Variants in SH3RF3 observed in about 807,000 individuals in gnomAD.
SH3RF3 encodes E3 ubiquitin-protein ligase SH3RF3.
SH3RF3 carries 29 observed loss-of-function variants against 66.3 expected under a neutral mutation model. The ratio of observed to expected loss-of-function variants is 0.44; its 90% confidence interval spans 0.33 to 0.60. SH3RF3 has a LOEUF of 0.60. SH3RF3 is among the 20% of genes least tolerant of loss of function. SH3RF3 has a pLI of 0.04. For missense variants in SH3RF3, 1,194 were observed against 1,190.9 expected, an observed-to-expected ratio of 1.00 and a Z score of -0.04; for synonymous variants, 583 against 532.0, an observed-to-expected ratio of 1.10 and a Z score of -1.32.
At chr2:109,337,391 T>A (rs1344745627) in intron 1 of SH3RF3, among the ~76,000 whole-genome samples, 1 of 152,238 alleles carries the variant, frequency 6.6e-6, no homozygotes, top group Non-Finnish European at 1.5e-5. Flanking sequence ...CATCCAAGGC[T>A]AGGTCCTCCT....
chr2:109,236,256 C>A (rs1402237163), intron 1 of SH3RF3, among the ~76,000 whole-genome samples: 1 of 152,142 alleles, frequency 6.6e-6, no homozygotes. Context: ...TATTAATGAC[C>A]AAATTCCCCT....
intron 4 of SH3RF3, among the ~76,000 whole-genome samples, chr2:109,400,493 G>A (rs1200968509): frequency 6.6e-6 from 1 of 151,652 alleles, no homozygotes; most frequent in East Asian, 1.9e-4. Flanking sequence ...GCGTACAGGT[G>A]CATTTACACA....
intron 8 of SH3RF3, among the ~76,000 whole-genome samples, chr2:109,478,507 A>C (rs1010621367): frequency 1.3e-5 from 2 of 152,222 alleles, no homozygotes; most frequent in Non-Finnish European, 2.9e-5. Context: ...TTCCATGAAA[A>C]TGTACTGAGG....
At chr2:109,442,726 A>G (rs1677604901) in intron 7 of SH3RF3, among the ~76,000 whole-genome samples, 2 of 152,226 alleles carry the variant, frequency 1.3e-5, no homozygotes, top group South Asian at 4.1e-4. Context: ...GTTACAGCAA[A>G]TAAGCTAAAA....
intron 2 of SH3RF3, among the ~76,000 whole-genome samples, chr2:109,354,877 C>G (rs554781769): frequency 6.6e-6 from 1 of 152,354 alleles, no homozygotes; most frequent in East Asian, 1.9e-4. Context: ...ATGGCAGGTC[C>G]TACCATGTCA....
intron 1 of SH3RF3, among the ~76,000 whole-genome samples, chr2:109,246,977 T>A (rs770790909): frequency 6.6e-6 from 1 of 152,234 alleles, no homozygotes; most frequent in African/African-American, 2.4e-5. Context: ...GGACTCATGG[T>A]GGAGGATGCT....
At chr2:109,460,433 T>C (rs982010643) in intron 8 of SH3RF3, among the ~76,000 whole-genome samples, 1 of 152,176 alleles carries the variant, frequency 6.6e-6, no homozygotes, top group African/African-American at 2.4e-5. Flanking sequence ...GTGGTAGTCG[T>C]AGCCAGGTTG....
intron 1 of SH3RF3, among the ~76,000 whole-genome samples, chr2:109,143,833 C>T (rs776193024): frequency 4.6e-5 from 7 of 151,610 alleles, no homozygotes; most frequent in Non-Finnish European, 7.4e-5. Context: ...CACACACACA[C>T]GTATATACAC....
At chr2:109,330,551 G>A (rs193136484) in intron 1 of SH3RF3, among the ~76,000 whole-genome samples, 5 of 152,258 alleles carry the variant, frequency 3.3e-5, no homozygotes, top group Middle Eastern at 6.8e-3. Flanking sequence ...ACACAGGCCT[G>A]GCACAGACAA....
intron 1 of SH3RF3, among the ~76,000 whole-genome samples, chr2:109,158,758 GTTTC>G (rs1392516149): frequency 1.3e-5 from 2 of 152,226 alleles, no homozygotes; most frequent in African/African-American, 4.8e-5. Flanking sequence ...GTTGCTAAGT[GTTTC>G]TTTCAAAGCA....
intron 9 of SH3RF3, among the ~76,000 whole-genome samples, chr2:109,492,457 G>C (rs143356343): frequency 0.014 from 2,161 of 152,194 alleles, 49 homozygotes; most frequent in African/African-American, 0.05. Context: ...ACAAGAGCTG[G>C]GTGTTCTGCA....
At position 109,399,251 on chromosome 2, in the gene SH3RF3, TCCAG is replaced by T. The variant is rs1559062435; in HGVS notation, c.1299+309_1299+312del. Among the ~76,000 whole-genome samples the T allele has an allele frequency of 2.0e-5, 3 of 152,276 alleles. No homozygotes were observed. In the South Asian group the frequency reaches 6.2e-4, roughly 32 times the overall value. On this transcript the variant is annotated intron_variant, in intron 4 of 9. Transcript: ENST00000309415. ...AAGCTTTTCCCCGTGTCAGTCGGCT[TCCAG>T]ATGTCTGATTATGTCCTGGAAGAGT... is the stretch of plus-strand genomic sequence containing the variant.
intron 4 of SH3RF3, among the ~76,000 whole-genome samples, chr2:109,409,014 G>A (rs901943051): frequency 6.6e-6 from 1 of 152,246 alleles, no homozygotes; most frequent in Non-Finnish European, 1.5e-5. Context: ...GAAGCCCCGG[G>A]TAGGCGAGAA....
At chr2:109,272,647 AACGGTCCTCCTCCAC>A (rs1680653063) in intron 1 of SH3RF3, among the ~76,000 whole-genome samples, 1 of 152,226 alleles carries the variant, frequency 6.6e-6, no homozygotes, top group Non-Finnish European at 1.5e-5. Context: ...CACAGCTGCC[AACGGTCCTCCTCCAC>A]ACCAGCGCTG....
intron 1 of SH3RF3, among the ~76,000 whole-genome samples, chr2:109,239,119 G>A (rs908157018): frequency 6.6e-6 from 1 of 152,176 alleles, no homozygotes; most frequent in African/African-American, 2.4e-5. Flanking sequence ...CGTCTTTTCC[G>A]AGTGTCCCAG....
At chr2:109,223,340 C>T (rs1679298918) in intron 1 of SH3RF3, among the ~76,000 whole-genome samples, 2 of 152,310 alleles carry the variant, frequency 1.3e-5, no homozygotes, top group Admixed American at 6.5e-5. Flanking sequence ...GCCGACAGAG[C>T]CAAGAGGGGC....
At chr2:109,293,319 G>C (rs1574554910) in intron 1 of SH3RF3, among the ~76,000 whole-genome samples, 2 of 152,364 alleles carry the variant, frequency 1.3e-5, no homozygotes, top group South Asian at 2.1e-4. Flanking sequence ...ATGACAACTT[G>C]TAGGACACAG....
intron 2 of SH3RF3, among the ~76,000 whole-genome samples, chr2:109,353,396 C>T (rs914553787): frequency 6.6e-6 from 1 of 152,218 alleles, no homozygotes; most frequent in African/African-American, 2.4e-5. Flanking sequence ...TGGGAGGGAG[C>T]ACCCCACACT....
chr2:109,369,327 G>A (rs564444646), intron 2 of SH3RF3, among the ~76,000 whole-genome samples: 1 of 152,106 alleles, frequency 6.6e-6, no homozygotes, highest in African/African-American at 2.4e-5. Flanking sequence ...CCAGTCTGGC[G>A]ACAGCACAAG....
Sources: gnomAD v4.1 joint callset for allele counts (sites outside exome capture counted in the v4.1 genomes callset) on GRCh38, gnomAD v4.1.1 for gene constraint, MANE v1.5 for transcripts, NCBI Gene and HGNC (gene_info 2026-07-23, HGNC 2026-07-21) for gene names.